Variants in IGSF21 observed in about 807,000 individuals in gnomAD.
IGSF21 encodes the protein immunoglobulin superfamily member 21.
IGSF21 carries 28 observed loss-of-function variants against 46.8 expected under a neutral mutation model. That is an observed-to-expected ratio of 0.60 (90% CI 0.44 to 0.82). The LOEUF (loss-of-function observed/expected upper bound fraction) is 0.82, where lower values mean the gene tolerates loss of function less well. Among genes scored for constraint, IGSF21 ranks in the 40% least tolerant of loss-of-function variants. The pLI is 0.00. For missense variants in IGSF21, 624 were observed against 665.5 expected, an observed-to-expected ratio of 0.94 and a Z score of 0.69; for synonymous variants, 284 against 273.6, an observed-to-expected ratio of 1.04 and a Z score of -0.38.
intron 4 of IGSF21, among the ~76,000 whole-genome samples, chr1:18,357,052 G>C (rs2086026369): frequency 6.6e-6 from 1 of 151,728 alleles, no homozygotes; most frequent in Non-Finnish European, 1.5e-5. Context: ...AGGGGATGTG[G>C]ATGAGGATGG....
Position 18,378,291 on chromosome 1 carries a change from G to C in IGSF21, c.1369G>C (p.Val457Leu). 1 of 1,613,956 alleles carries C rather than the reference G, an allele frequency of 6.2e-7. No individual in the cohort carries two copies. Among genetic ancestry groups the C allele is most frequent in the Non-Finnish European group, 8.5e-7 (1 of 1,179,962 alleles). Residue 457 changes from valine (V) to leucine (L), a missense_variant, in exon 10 of 10, where the codon GTG becomes CTG. Physicochemically the swap from Val to Leu is conservative, Grantham distance 32 (BLOSUM62 1). Coordinates refer to ENST00000251296, the MANE Select transcript of IGSF21 (RefSeq NM_032880.5). Reference sequence around the variant, plus strand: ...CCCCACTGGTGCCCGGCTCACCTTGGTGCTCGCCCTGACAGTGATTCTGGA... The same window carrying C: ...CCCCACTGGTGCCCGGCTCACCTTGCTGCTCGCCCTGACAGTGATTCTGGA... ...IGPTGARLTL[V>L]LALTVILELT
chr1:18,137,639 G>A (rs984734675), intron 1 of IGSF21, among the ~76,000 whole-genome samples: 11 of 152,116 alleles, frequency 7.2e-5, no homozygotes, highest in Non-Finnish European at 1.3e-4. Flanking sequence ...GCCACTTTGG[G>A]GGGATGGAGA....
At chr1:18,196,339 G>C (rs967805132) in intron 1 of IGSF21, among the ~76,000 whole-genome samples, 3 of 152,148 alleles carry the variant, frequency 2.0e-5, no homozygotes, top group African/African-American at 4.8e-5. Context: ...GCTGGATTCT[G>C]TATTGACCTG....
Position 18,338,990 on chromosome 1 carries a change from G to A in IGSF21, c.424+3980G>A, listed in dbSNP as rs2085800975. 2.6e-5 allele frequency among the ~76,000 whole-genome samples: 4 copies of A among 152,198 alleles called. No homozygotes were observed. In the South Asian group the frequency reaches 8.3e-4, roughly 31 times the overall value. On this transcript the variant is annotated intron_variant, in intron 4 of 9. Transcript: ENST00000251296. ...ACTCCCATCCCCACCGAAGTTAAAA[G>A]ACTCTGCACTTCTGGCTCCTCTGGA...
chr1:18,155,697 G>C (rs1236523737), intron 1 of IGSF21, among the ~76,000 whole-genome samples: 3 of 152,228 alleles, frequency 2.0e-5, no homozygotes, highest in Non-Finnish European at 4.4e-5. Context: ...AGACAGCCAG[G>C]CTTGGGGAAC....
chr1:18,231,820 A>C (rs1383663832), intron 2 of IGSF21, among the ~76,000 whole-genome samples: 1 of 152,062 alleles, frequency 6.6e-6, no homozygotes, highest in Non-Finnish European at 1.5e-5. Flanking sequence ...ACCTGACAAG[A>C]GAATAGCAGT....
At chr1:18,221,785 A>G (rs1271641320) in intron 1 of IGSF21, among the ~76,000 whole-genome samples, 1 of 152,176 alleles carries the variant, frequency 6.6e-6, no homozygotes, top group Non-Finnish European at 1.5e-5. Context: ...CCTGAAAGAC[A>G]GAGCTCCGTC....
rs1230541389 is a variant in IGSF21, at chr1:18,337,182, G to C, written c.424+2172G>C. ...GTCCCTTACTCCATCCACTAGGTGA[G>C]GAAACTGAGGCACAGAGTGATCTCG... On this transcript the variant is annotated intron_variant, in intron 4 of 9. Coordinates refer to ENST00000251296, the MANE Select transcript of IGSF21 (RefSeq NM_032880.5). This position sits in a 1 kb window ranked among gnomAD's most constrained non-coding sequence, Gnocchi z 5.7. 6.6e-6 allele frequency among the ~76,000 whole-genome samples: 1 copy of C among 152,120 alleles called. No individual in the cohort carries two copies. The highest frequency in any genetic ancestry group is 6.5e-5 in the Admixed American group (1 of 15,282).
chr1:18,362,040 A>C, intron 4 of IGSF21, 75 bp from the exon 5 acceptor site: 1 of 1,049,096 alleles, frequency 9.5e-7, no homozygotes. Context: ...GACGTGGCCC[A>C]TCTTAGGTCA....
rs368947789 is a variant in IGSF21 at position 18,236,364 on chromosome 1, C to T, written c.183+8354C>T. On this transcript the variant is annotated intron_variant, in intron 2 of 9. Transcript: ENST00000251296. ...TTCCACCATGACTGTGAGGCCTCCT[C>T]AGCCATGTGGAACTGTGAGTTCATT... 6.4e-4 allele frequency among the ~76,000 whole-genome samples: 98 copies of T among 152,348 alleles called. 1 individual carries two copies. The South Asian group carries it at 0.019, about 29-fold the overall frequency.
chr1:18,178,096 GGA>G (rs137896767), intron 1 of IGSF21, among the ~76,000 whole-genome samples: 3 of 151,970 alleles, frequency 2.0e-5, no homozygotes, highest in African/African-American at 7.3e-5. Context: ...GGGGAAGTGG[GGA>G]GAGAGAGAGA....
intron 1 of IGSF21, among the ~76,000 whole-genome samples, chr1:18,132,066 C>T (rs551136391): frequency 1.3e-5 from 2 of 152,298 alleles, no homozygotes; most frequent in African/African-American, 2.4e-5. Context: ...TCCATGAAGA[C>T]AGTGTTTCTG....
intron 1 of IGSF21, among the ~76,000 whole-genome samples, chr1:18,192,259 C>T (rs1418099776): frequency 6.6e-6 from 1 of 152,206 alleles, no homozygotes; most frequent in East Asian, 1.9e-4. Flanking sequence ...TGTCTAACAC[C>T]TTCTTGCCTG....
intron 2 of IGSF21, among the ~76,000 whole-genome samples, chr1:18,283,076 G>A (rs1334288415): frequency 6.6e-6 from 1 of 152,208 alleles, no homozygotes; most frequent in South Asian, 2.1e-4. Context: ...ACTTGCAGGA[G>A]CACCTGCCCA....
intron 2 of IGSF21, among the ~76,000 whole-genome samples, chr1:18,271,937 C>CA (rs2085046811): frequency 6.6e-6 from 1 of 152,052 alleles, no homozygotes; most frequent in African/African-American, 2.4e-5. Flanking sequence ...GGCAGCATGG[C>CA]AATGGTCATA....
At chr1:18,245,306 G>T (rs1483074610) in intron 2 of IGSF21, among the ~76,000 whole-genome samples, 1 of 152,050 alleles carries the variant, frequency 6.6e-6, no homozygotes, top group Admixed American at 6.5e-5. Context: ...TAATCATATG[G>T]TTTTTCTCCT....
In IGSF21 at chr1:18,365,160, C is replaced by A; in HGVS notation, c.541-63C>A. 7.7e-7 allele frequency: 1 copy of A among 1,295,904 alleles called. No individual in the cohort carries two copies. The highest frequency in any genetic ancestry group is 1.1e-6 in the Non-Finnish European group (1 of 915,080). The allele number at this position is 1,295,904 out of a possible 1,614,324, so 80.3% of individuals were successfully genotyped here. A position where few individuals can be genotyped will look rare whatever the true frequency, so the allele number is the denominator to read the frequency against. ...ATCCTGTGCCCAGTTCATCGGAGAA[C>A]CCACTGGGAGGTTGAAGTTAGTAGC... On this transcript the variant is annotated intron_variant, in intron 5 of 9. Coordinates refer to ENST00000251296, the MANE Select transcript of IGSF21 (RefSeq NM_032880.5). The surrounding 1 kb of genome is among the most constrained non-coding windows in gnomAD (Gnocchi z 4.8).
chr1:18,360,301 A>G (rs923135064), intron 4 of IGSF21, among the ~76,000 whole-genome samples: 2 of 152,070 alleles, frequency 1.3e-5, no homozygotes, highest in African/African-American at 2.4e-5. Flanking sequence ...TTCTCCAACT[A>G]TTGTTCTCCC....
intron 1 of IGSF21, among the ~76,000 whole-genome samples, chr1:18,121,408 C>G (rs1289532663): frequency 6.6e-6 from 1 of 151,690 alleles, no homozygotes; most frequent in East Asian, 2.0e-4. Flanking sequence ...GCTTTTCTCA[C>G]GATCCTCTAT....
Sources: allele counts gnomAD v4.1 joint callset (sites outside exome capture counted in the v4.1 genomes callset), GRCh38; gene constraint gnomAD v4.1.1; non-coding constraint Gnocchi (gnomAD v3.1); transcripts MANE v1.5; gene names NCBI Gene and HGNC (gene_info 2026-07-23, HGNC 2026-07-21).